The following GALNT14 variants were observed in gnomAD, a reference collection of about 807,000 sequenced individuals.
GALNT14 encodes polypeptide N-acetylgalactosaminyltransferase 14.
Under a neutral mutation model 77.5 loss-of-function variants are expected in GALNT14, and 60 were observed. The observed-to-expected ratio is 0.77, with a 90% CI of 0.63 to 0.96. GALNT14 has a LOEUF of 0.96. Ranked by LOEUF, GALNT14 falls within the 40% of genes least tolerant of loss-of-function variation. The pLI is 0.00. For missense variants in GALNT14, 710 were observed against 731.0 expected, an observed-to-expected ratio of 0.97 and a Z score of 0.33; for synonymous variants, 280 against 281.7, an observed-to-expected ratio of 0.99 and a Z score of 0.06.
intron 3 of GALNT14, among the ~76,000 whole-genome samples, chr2:30,962,485 G>A (rs1667751465): frequency 1.3e-5 from 2 of 152,248 alleles, no homozygotes; most frequent in South Asian, 2.1e-4. Context: ...TGGCGGTGAA[G>A]GATGCCCCAA....
intron 1 of GALNT14, among the ~76,000 whole-genome samples, chr2:31,047,601 A>C (rs1357830329): frequency 1.3e-5 from 2 of 152,194 alleles, no homozygotes; most frequent in Non-Finnish European, 2.9e-5. Context: ...TTCCAGACCC[A>C]AAGTCATGAG....
downstream of GALNT14, among the ~76,000 whole-genome samples, chr2:30,907,333 A>T (rs1349111223): frequency 6.6e-6 from 1 of 152,214 alleles, no homozygotes; most frequent in Non-Finnish European, 1.5e-5. Flanking sequence ...AAAGAAAAAA[A>T]GAGAGAAGAA....
At chr2:31,005,220 C>T (rs777049969) in intron 1 of GALNT14, among the ~76,000 whole-genome samples, 3 of 152,176 alleles carry the variant, frequency 2.0e-5, no homozygotes, top group Non-Finnish European at 4.4e-5. Flanking sequence ...TTGTTTTCAA[C>T]CCAATTTTAG....
chr2:30,947,648 T>C (rs1666782233), intron 6 of GALNT14, among the ~76,000 whole-genome samples: 1 of 152,224 alleles, frequency 6.6e-6, no homozygotes, highest in South Asian at 2.1e-4. Context: ...CAGGCAGGAC[T>C]GCTTTTCCAA....
chr2:30,966,323 G>A, intron 2 of GALNT14, 21 bp from the exon 3 acceptor site: 1 of 1,561,860 alleles, frequency 6.4e-7, no homozygotes, highest in Middle Eastern at 1.7e-4. Flanking sequence ...AAAGGCACAG[G>A]GCAAGTGAGA....
At chr2:31,076,646 A>C (rs1355545601) in intron 1 of GALNT14, among the ~76,000 whole-genome samples, 1 of 145,604 alleles carries the variant, frequency 6.9e-6, no homozygotes, top group African/African-American at 2.6e-5. Flanking sequence ...TTTTTTTTAC[A>C]TGTACATATA....
In GALNT14 at chr2:30,977,185, G is replaced by A. The variant is rs778592264; in HGVS notation, c.300-10883C>T. Reference sequence around the variant, plus strand: ...GCTCACTGCAACCTCTGCCTCCGGCGTTCAAGCAATTCTCATGCCTCAGCC... The same window carrying A: ...GCTCACTGCAACCTCTGCCTCCGGCATTCAAGCAATTCTCATGCCTCAGCC... On this transcript the variant is annotated intron_variant, in intron 2 of 14. Coordinates refer to ENST00000349752, the MANE Select transcript of GALNT14 (RefSeq NM_024572.4). Among the ~76,000 whole-genome samples the A allele has an allele frequency of 4.6e-5, 7 of 150,720 alleles. No individual in the cohort carries two copies. In the East Asian group the frequency reaches 5.8e-4, roughly 13 times the overall value.
intron 1 of GALNT14, among the ~76,000 whole-genome samples, chr2:31,107,985 C>A (rs561395850): frequency 3.3e-5 from 5 of 152,330 alleles, no homozygotes; most frequent in Admixed American, 6.5e-5. Flanking sequence ...GCAACCCACA[C>A]ACTCACGCTG....
chr2:31,082,622 CT>C (rs1430317171), intron 1 of GALNT14, among the ~76,000 whole-genome samples: 1 of 152,102 alleles, frequency 6.6e-6, no homozygotes, highest in East Asian at 1.9e-4. Flanking sequence ...TATTATCTAC[CT>C]CGTAAAAAAT....
intron 2 of GALNT14, chr2:30,991,345 T>A (rs1669685740): frequency 6.6e-6 from 1 of 150,634 alleles, no homozygotes. Context: ...GTCTCCTCCC[T>A]CTTCCCCTCT....
At chr2:30,996,158 C>G (rs1670016945) in intron 1 of GALNT14, among the ~76,000 whole-genome samples, 1 of 152,144 alleles carries the variant, frequency 6.6e-6, no homozygotes, top group Admixed American at 6.5e-5. Flanking sequence ...AACATTTGAC[C>G]AAATGCCTGG....
At chr2:30,961,864 G>GA (rs1667712056) in intron 3 of GALNT14, among the ~76,000 whole-genome samples, 2 of 151,326 alleles carry the variant, frequency 1.3e-5, no homozygotes. Context: ...TGGTTTTTTT[G>GA]TTTTTTTTAG....
At chr2:31,021,789 C>CTGG (rs2148461720) in intron 1 of GALNT14, among the ~76,000 whole-genome samples, 1 of 152,286 alleles carries the variant, frequency 6.6e-6, no homozygotes, top group African/African-American at 2.4e-5. Context: ...TTGTTGAGTC[C>CTGG]TGGTGCAGCA....
At chr2:31,123,116 A>G (rs1341149795) in intron 1 of GALNT14, among the ~76,000 whole-genome samples, 1 of 141,154 alleles carries the variant, frequency 7.1e-6, no homozygotes, top group African/African-American at 2.6e-5. Context: ...CAGGAGGCGG[A>G]GCTTGCAGTG....
chr2:30,907,624 C>G (rs2148187695), downstream of GALNT14, among the ~76,000 whole-genome samples: 1 of 152,018 alleles, frequency 6.6e-6, no homozygotes, highest in East Asian at 1.9e-4. Flanking sequence ...TGAATTCTAC[C>G]AGAGGTACAA....
intron 9 of GALNT14, among the ~76,000 whole-genome samples, chr2:30,937,803 T>G (rs1047442563): frequency 6.6e-6 from 1 of 152,178 alleles, no homozygotes; most frequent in Non-Finnish European, 1.5e-5. Context: ...CCTGACAGGT[T>G]CCAGGGATTA....
chr2:31,084,663 T>C (rs1451889925), intron 1 of GALNT14, among the ~76,000 whole-genome samples: 1 of 152,170 alleles, frequency 6.6e-6, no homozygotes, highest in African/African-American at 2.4e-5. Flanking sequence ...ATGCAAGTCA[T>C]TTAACCTCCC....
At chr2:31,017,623 C>T (rs759420819) in intron 1 of GALNT14, among the ~76,000 whole-genome samples, 4 of 152,022 alleles carry the variant, frequency 2.6e-5, no homozygotes, top group Admixed American at 2.0e-4. Context: ...TCCCTGGGGG[C>T]CCACTCTGCA....
At chr2:30,927,570 A>G (rs1265344576) in intron 11 of GALNT14, among the ~76,000 whole-genome samples, 2 of 152,376 alleles carry the variant, frequency 1.3e-5, no homozygotes, top group South Asian at 4.1e-4. Flanking sequence ...GGAGGGATGG[A>G]GACCACAGCA....
Sources: gnomAD v4.1 joint callset for allele counts (sites outside exome capture counted in the v4.1 genomes callset) on GRCh38, gnomAD v4.1.1 for gene constraint, MANE v1.5 for transcripts, NCBI Gene and HGNC (gene_info 2026-07-23, HGNC 2026-07-21) for gene names.